The following ADGB variants were observed in gnomAD, a reference collection of about 807,000 sequenced individuals.
ADGB encodes the protein androglobin.
ADGB carries 172 observed loss-of-function variants against 210.5 expected under a neutral mutation model. The ratio of observed to expected loss-of-function variants is 0.82; its 90% CI spans 0.72 to 0.93. ADGB has a LOEUF of 0.93. Ranked by LOEUF, ADGB falls within the 40% of genes least tolerant of loss-of-function variation. The pLI is 0.00. For missense variants in ADGB, 2,025 were observed against 1,964.8 expected (o/e 1.03, Z -0.58); for synonymous variants, 658 against 662.7 (o/e 0.99, Z 0.11).
chr6:146,645,455 T>C (rs1235875475), intron 3 of ADGB, among the ~76,000 whole-genome samples: 1 of 152,070 alleles, frequency 6.6e-6, no homozygotes, highest in African/African-American at 2.4e-5. Context: ...ATAACAGCTA[T>C]ATGTTAGTTT....
At position 146,647,625 on chromosome 6, in the gene ADGB, C is replaced by T. The variant is rs374489790; in HGVS notation, c.330+2760C>T. Among the ~76,000 whole-genome samples the T allele has an allele frequency of 8.1e-4, 123 of 152,134 alleles. 4 individuals carry two copies. The East Asian group carries it at 0.018, about 22-fold the overall frequency. On this transcript the variant is annotated intron_variant, in intron 3 of 35. Transcript: ENST00000397944. Reference sequence around the variant, plus strand: ...CATTGTGTTTATTCTGTATTTATTACTTTTATTTTATTTTTAAGATAAAAC... The same window carrying T: ...CATTGTGTTTATTCTGTATTTATTATTTTTATTTTATTTTTAAGATAAAAC...
chr6:146,676,303 CAT>C lies in ADGB; in HGVS notation c.1088-7_1088-6del. Reference sequence around the variant, plus strand: ...GTTAAAATATTTATTGTGATTTTTTCATATGTTAGAGAAAGCAGATGCAAGAG... The same window carrying C: ...GTTAAAATATTTATTGTGATTTTTTCATGTTAGAGAAAGCAGATGCAAGAG... On this transcript the variant is annotated splice_region_variant and splice_polypyrimidine_tract_variant and intron_variant, in intron 8 of 35. Coordinates refer to ENST00000397944, the MANE Select transcript of ADGB (RefSeq NM_024694.4). The C allele has an allele frequency of 6.5e-7, 1 of 1,530,246 alleles. No individual in the cohort carries two copies. Among genetic ancestry groups the C allele is most frequent in the Non-Finnish European group, 8.8e-7 (1 of 1,138,210 alleles). 94.8% of individuals were successfully genotyped at this position (1,530,246 alleles called of 1,614,324 possible). A position where few individuals can be genotyped will look rare whatever the true frequency, so the allele number is the denominator to read the frequency against.
intron 1 of ADGB, among the ~76,000 whole-genome samples, chr6:146,634,062 A>G (rs1193925050): frequency 6.6e-6 from 1 of 152,040 alleles, no homozygotes; most frequent in Non-Finnish European, 1.5e-5. Flanking sequence ...TTTAACTTTT[A>G]TACCGTGTTT....
At chr6:146,811,709 T>C (rs1778305557) in intron 35 of ADGB, among the ~76,000 whole-genome samples, 12 of 152,202 alleles carry the variant, frequency 7.9e-5, no homozygotes, top group Admixed American at 7.9e-4. Flanking sequence ...TCTCCCTCTG[T>C]CTCCCAGGCT....
At chr6:146,813,821 C>T (rs745756279) in intron 35 of ADGB, among the ~76,000 whole-genome samples, 2 of 152,132 alleles carry the variant, frequency 1.3e-5, no homozygotes, top group Admixed American at 1.3e-4. Context: ...CCCATTTCCT[C>T]CCTAACTCAG....
intron 23 of ADGB, among the ~76,000 whole-genome samples, chr6:146,739,609 C>G (rs764789230): frequency 6.6e-6 from 1 of 152,138 alleles, no homozygotes; most frequent in African/African-American, 2.4e-5. Context: ...TGAGGACCAC[C>G]ATGGCTTTGC....
At chr6:146,608,790 A>T (rs1052733487) in intron 1 of ADGB, among the ~76,000 whole-genome samples, 5 of 152,194 alleles carry the variant, frequency 3.3e-5, no homozygotes, top group Admixed American at 6.5e-5. Context: ...GTTGTCAAAG[A>T]CATGGTTGAT....
intron 1 of ADGB, among the ~76,000 whole-genome samples, chr6:146,611,449 C>T (rs1307141044): frequency 6.6e-6 from 1 of 152,134 alleles, no homozygotes; most frequent in Admixed American, 6.5e-5. Context: ...GTCCTTGCTG[C>T]CTCTCTAAGA....
intron 2 of ADGB, among the ~76,000 whole-genome samples, chr6:146,636,871 T>C (rs1775431355): frequency 6.6e-6 from 1 of 152,012 alleles, no homozygotes; most frequent in Non-Finnish European, 1.5e-5. Flanking sequence ...ATAACAAGTA[T>C]CCTGGGAGTT....
intron 1 of ADGB, among the ~76,000 whole-genome samples, chr6:146,615,067 A>AT (rs373490088): frequency 0.029 from 4,223 of 145,700 alleles, 175 homozygotes; most frequent in African/African-American, 0.095. Context: ...CGCCCGGCTA[A>AT]TTTTTTTTTT....
At chr6:146,668,884 T>C (rs1204566974) in intron 7 of ADGB, among the ~76,000 whole-genome samples, 1 of 152,126 alleles carries the variant, frequency 6.6e-6, no homozygotes, top group Non-Finnish European at 1.5e-5. Context: ...TCCAACCACT[T>C]CAAAGGACTC....
intron 13 of ADGB, among the ~76,000 whole-genome samples, chr6:146,703,454 A>G (rs79299341): frequency 0.046 from 7,000 of 151,788 alleles, 192 homozygotes; most frequent in South Asian, 0.064. Flanking sequence ...TGCAAATCAG[A>G]TCTCTTGAAT....
intron 7 of ADGB, among the ~76,000 whole-genome samples, chr6:146,668,889 G>T (rs1029771377): frequency 6.6e-6 from 1 of 152,190 alleles, no homozygotes; most frequent in East Asian, 1.9e-4. Context: ...CCACTTCAAA[G>T]GACTCTTGTT....
chr6:146,722,531 C>G (rs976128502), intron 17 of ADGB, among the ~76,000 whole-genome samples: 1 of 152,160 alleles, frequency 6.6e-6, no homozygotes, highest in Non-Finnish European at 1.5e-5. Flanking sequence ...CACTGGCTAG[C>G]CCTGCTTACA....
chr6:146,697,085 G>A (rs1253962351), intron 12 of ADGB, among the ~76,000 whole-genome samples: 1 of 152,070 alleles, frequency 6.6e-6, no homozygotes, highest in Non-Finnish European at 1.5e-5. Context: ...AAATACAACA[G>A]CAAAGACAAT....
At chr6:146,662,581 A>C (rs184390092) in intron 5 of ADGB, among the ~76,000 whole-genome samples, 104 of 152,016 alleles carry the variant, frequency 6.8e-4, no homozygotes, top group African/African-American at 2.4e-3. Context: ...TAAATTTCTT[A>C]TTTAATAATT....
intron 9 of ADGB, among the ~76,000 whole-genome samples, chr6:146,678,352 A>G (rs1776111375): frequency 6.6e-6 from 1 of 152,084 alleles, no homozygotes; most frequent in South Asian, 2.1e-4. Context: ...TCAACCTCCC[A>G]AGTAGCTGGG....
chr6:146,768,506 G>A (rs549536481), intron 28 of ADGB, among the ~76,000 whole-genome samples: 1 of 152,210 alleles, frequency 6.6e-6, no homozygotes, highest in East Asian at 1.9e-4. Context: ...TGAGTAGGTT[G>A]TACTAGGAAA....
intron 13 of ADGB, among the ~76,000 whole-genome samples, chr6:146,707,678 T>G (rs1271627493): frequency 2.6e-5 from 4 of 152,130 alleles, no homozygotes; most frequent in Admixed American, 1.3e-4. Context: ...GCCTTACATT[T>G]GCACGGAATA....
Sources: allele counts gnomAD v4.1 joint callset (sites outside exome capture counted in the v4.1 genomes callset), GRCh38; gene constraint gnomAD v4.1.1; transcripts MANE v1.5; gene names NCBI Gene and HGNC (gene_info 2026-07-23, HGNC 2026-07-21).